The following PEX5L variants were observed in gnomAD, a reference collection of about 807,000 sequenced individuals.
The protein encoded by PEX5L is PEX5-related protein.
Under a neutral mutation model 84.0 loss-of-function variants are expected in PEX5L, and 30 were observed. The observed-to-expected ratio is 0.36, with a 90% CI of 0.27 to 0.48. The LOEUF (loss-of-function observed/expected upper bound fraction) is 0.48. PEX5L is among the 20% of genes least tolerant of loss of function. The pLI is 0.99. For synonymous variants in PEX5L, 270 were observed against 283.1 expected (o/e 0.95, Z 0.46); for missense variants, 533 against 754.6 (o/e 0.71, Z 3.44).
chr3:179,864,082 G>T (rs1209957953), intron 7 of PEX5L, among the ~76,000 whole-genome samples: 4 of 152,102 alleles, frequency 2.6e-5, no homozygotes, highest in African/African-American at 9.7e-5. Flanking sequence ...CCATGATTGT[G>T]TGGCCTCCCC....
intron 7 of PEX5L, among the ~76,000 whole-genome samples, chr3:179,869,543 G>A (rs986174727): frequency 6.6e-6 from 1 of 152,112 alleles, no homozygotes; most frequent in Non-Finnish European, 1.5e-5. Flanking sequence ...CCCAAAACAT[G>A]GCACTTGGAC....
chr3:179,937,980 C>T (rs1172038326), intron 2 of PEX5L, among the ~76,000 whole-genome samples: 5 of 152,040 alleles, frequency 3.3e-5, no homozygotes, highest in South Asian at 2.1e-4. Flanking sequence ...GCGCTTCCAT[C>T]GACTCCACCA....
At chr3:179,902,013 T>C (rs902097886) in intron 2 of PEX5L, 1 of 152,292 alleles carries the variant, frequency 6.6e-6, no homozygotes, top group Non-Finnish European at 1.5e-5. Flanking sequence ...ATGCTTCAGA[T>C]GAGAAAGGTT....
chr3:179,800,969 A>G lies in PEX5L; in HGVS notation c.*859T>C, dbSNP rs1352773015. 6.6e-6 allele frequency: 1 copy of G among 152,570 alleles called. No homozygotes were observed. The highest frequency in any genetic ancestry group is 6.5e-5 in the Admixed American group (1 of 15,278). 9.5% of individuals were successfully genotyped at this position (152,570 alleles called of 1,614,324 possible). ...TTACTTATGTTCATACAGACCCAGA[A>G]AGCACGTGAATGAAAAGATCTGTTT... On this transcript the variant is annotated 3_prime_UTR_variant, in exon 15 of 15. Coordinates refer to ENST00000467460, the MANE Select transcript of PEX5L (RefSeq NM_016559.3).
chr3:179,952,674 G>A (rs1779417487), intron 2 of PEX5L, among the ~76,000 whole-genome samples: 1 of 152,096 alleles, frequency 6.6e-6, no homozygotes, highest in Non-Finnish European at 1.5e-5. Context: ...TGGCCATACT[G>A]CCCAAAGTAA....
chr3:179,919,496 C>G (rs1311895141), intron 2 of PEX5L, among the ~76,000 whole-genome samples: 1 of 152,112 alleles, frequency 6.6e-6, no homozygotes, highest in Non-Finnish European at 1.5e-5. Context: ...AACTCTGGCT[C>G]CATTCTGCTT....
intron 8 of PEX5L, among the ~76,000 whole-genome samples, chr3:179,845,107 C>T (rs994667596): frequency 6.6e-6 from 1 of 152,152 alleles, no homozygotes; most frequent in South Asian, 2.1e-4. Flanking sequence ...GCCACTTCAT[C>T]GATGTGAAGG....
intron 2 of PEX5L, among the ~76,000 whole-genome samples, chr3:179,930,803 T>A (rs921209948): frequency 1.3e-5 from 2 of 152,202 alleles, no homozygotes; most frequent in Non-Finnish European, 2.9e-5. Flanking sequence ...CATTTTTATC[T>A]CTGTAGCAAC....
chr3:179,973,600 T>TC, intron 1 of PEX5L: 5 of 984,860 alleles, frequency 5.1e-6, no homozygotes, highest in African/African-American at 1.7e-5. Context: ...GCTCTTGATT[T>TC]CCCCTTTTTA....
Position 179,973,366 on chromosome 3 carries a change from C to A in PEX5L, c.22-1701G>T, listed in dbSNP as rs534088541. The stretch of plus-strand genomic sequence containing the variant: ...AATGTACAACAATAATTGAAGTATT[C>A]CTGAATCATTGTCTTGACTTTGTAA... On this transcript the variant is annotated intron_variant, in intron 1 of 14. Transcript: ENST00000467460. The A allele has an allele frequency of 1.5e-5, 17 of 1,145,600 alleles. No individual in the cohort carries two copies. The South Asian group carries it at 2.9e-4, about 19-fold the overall frequency. 71.0% of individuals were successfully genotyped at this position (1,145,600 alleles called of 1,614,324 possible).
rs1057372302 is a variant in PEX5L at position 179,797,569 on chromosome 3, G to GTT, written c.*4257_*4258dup. The stretch of plus-strand genomic sequence containing the variant: ...GCTTTTTTACAAACTTTATGCCAGA[G>GTT]TTTATCTATGAACACTCTTTAAAAA... On this transcript the variant is annotated 3_prime_UTR_variant, in exon 15 of 15. Coordinates refer to ENST00000467460, the MANE Select transcript of PEX5L (RefSeq NM_016559.3). The GTT allele has an allele frequency of 3.1e-5, 4 of 130,674 alleles. No individual in the cohort carries two copies. Among genetic ancestry groups the GTT allele is most frequent in the African/African-American group, 1.2e-4 (4 of 34,504 alleles). 8.1% of individuals were successfully genotyped at this position (130,674 alleles called of 1,614,324 possible).
chr3:180,015,890 A>AATATG (rs1789904185), intron 1 of PEX5L, among the ~76,000 whole-genome samples: 1 of 137,574 alleles, frequency 7.3e-6, no homozygotes, highest in Non-Finnish European at 1.5e-5. Flanking sequence ...TATTTAATAT[A>AATATG]TTATATATAA....
intron 8 of PEX5L, among the ~76,000 whole-genome samples, chr3:179,828,691 T>G (rs1577335979): frequency 6.6e-6 from 1 of 150,704 alleles, no homozygotes; most frequent in Non-Finnish European, 1.5e-5. Context: ...GTGTGTGTGT[T>G]TAGGGTTCTC....
intron 1 of PEX5L, among the ~76,000 whole-genome samples, chr3:180,009,938 TTTTATTTA>T (rs368519760): frequency 6.6e-6 from 1 of 151,962 alleles, no homozygotes; most frequent in African/African-American, 2.4e-5. Flanking sequence ...GTGTAAAGAC[TTTTATTTA>T]TTTATTTATT....
chr3:180,005,743 T>A (rs1788831357), intron 1 of PEX5L, among the ~76,000 whole-genome samples: 1 of 151,804 alleles, frequency 6.6e-6, no homozygotes, highest in African/African-American at 2.4e-5. Flanking sequence ...AAAAAAAAAT[T>A]ATTTTTGTAG....
chr3:179,840,233 GGT>G (rs1312647952), intron 8 of PEX5L, among the ~76,000 whole-genome samples: 1 of 123,400 alleles, frequency 8.1e-6, no homozygotes, highest in Admixed American at 1.0e-4. Context: ...TTGTCTCCCA[GGT>G]TGGAGTGCAG....
At chr3:179,818,208 C>T (rs1423721772) in intron 9 of PEX5L, among the ~76,000 whole-genome samples, 1 of 151,968 alleles carries the variant, frequency 6.6e-6, no homozygotes. Flanking sequence ...ACTGAGACTT[C>T]CTCCGCCACA....
At chr3:179,870,008 G>A (rs1749731036) in intron 7 of PEX5L, among the ~76,000 whole-genome samples, 1 of 152,206 alleles carries the variant, frequency 6.6e-6, no homozygotes, top group Non-Finnish European at 1.5e-5. Context: ...CAATCATGGA[G>A]TTTTGGCTGA....
rs187146842 is a variant in PEX5L at position 179,834,521 on chromosome 3, G to C, written c.823-14545C>G. 3.1e-3 allele frequency among the ~76,000 whole-genome samples: 471 copies of C among 152,336 alleles called. 2 individuals carry two copies. The highest frequency in any genetic ancestry group is 0.02 in the Middle Eastern group (6 of 294). On this transcript the variant is annotated intron_variant, in intron 8 of 14. Transcript: ENST00000467460. ...CCTTTGCTGCCTCTCACTGCTTTGG[G>C]CCCTGCCGTGGAGGCCTTGGAGACT...
Sources: allele counts gnomAD v4.1 joint callset (sites outside exome capture counted in the v4.1 genomes callset), GRCh38; gene constraint gnomAD v4.1.1; transcripts MANE v1.5; gene names NCBI Gene and HGNC (gene_info 2026-07-23, HGNC 2026-07-21).